The following RALGAPA2 variants were observed in gnomAD, a reference collection of about 807,000 sequenced individuals.
The protein encoded by RALGAPA2 is Ral GTPase activating protein catalytic subunit alpha 2.
In RALGAPA2, 139 loss-of-function variants were observed where a neutral mutation model predicts 230.4. That is an observed-to-expected ratio of 0.60 (90% CI 0.53 to 0.69). RALGAPA2 has a LOEUF of 0.69. Among genes scored for constraint, RALGAPA2 ranks in the 30% least tolerant of loss-of-function variants. The pLI, the probability that RALGAPA2 is intolerant of heterozygous loss-of-function variation, is 0.00. For missense variants in RALGAPA2, 2,163 were observed against 2,276.0 expected (o/e 0.95, Z 1.01); for synonymous variants, 847 against 837.8 (o/e 1.01, Z -0.19).
chr20:20,652,595 G>A (rs1209830426), intron 4 of RALGAPA2, among the ~76,000 whole-genome samples: 2 of 152,144 alleles, frequency 1.3e-5, no homozygotes, highest in East Asian at 1.9e-4. Context: ...TCCATCATAA[G>A]GTCACACTCT....
intron 27 of RALGAPA2, among the ~76,000 whole-genome samples, chr20:20,530,009 G>A (rs1047598493): frequency 2.0e-5 from 3 of 152,152 alleles, no homozygotes; most frequent in Non-Finnish European, 4.4e-5. Context: ...AAATGAATTG[G>A]AATCTACATT....
chr20:20,586,450 T>C (rs1193193009), intron 18 of RALGAPA2, among the ~76,000 whole-genome samples: 3 of 152,148 alleles, frequency 2.0e-5, no homozygotes, highest in African/African-American at 7.2e-5. Context: ...TAGGAACCCA[T>C]AATAAAACAT....
chr20:20,625,199 C>A (rs1421646973), intron 10 of RALGAPA2, among the ~76,000 whole-genome samples: 7 of 152,146 alleles, frequency 4.6e-5, no homozygotes, highest in Non-Finnish European at 4.4e-5. Context: ...ACCTGTACAC[C>A]CCCCTGTCTC....
chr20:20,448,926 C>T (rs374901575), intron 37 of RALGAPA2, among the ~76,000 whole-genome samples: 7 of 151,438 alleles, frequency 4.6e-5, no homozygotes, highest in East Asian at 3.9e-4. Flanking sequence ...AACAGGAGTT[C>T]GGTGAGTCCA....
intron 24 of RALGAPA2, among the ~76,000 whole-genome samples, chr20:20,541,853 G>A (rs577059103): frequency 2.6e-5 from 4 of 152,136 alleles, no homozygotes; most frequent in Non-Finnish European, 5.9e-5. Flanking sequence ...TCTAGGAAGG[G>A]CTCCAACATT....
chr20:20,649,689 G>A (rs372713556), intron 4 of RALGAPA2, among the ~76,000 whole-genome samples: 17 of 151,928 alleles, frequency 1.1e-4, no homozygotes, highest in Non-Finnish European at 2.2e-4. Context: ...TATTGAGTTC[G>A]GGCACAGCAC....
chr20:20,439,025 G>A (rs1229087229), intron 37 of RALGAPA2, among the ~76,000 whole-genome samples: 1 of 152,176 alleles, frequency 6.6e-6, no homozygotes, highest in Non-Finnish European at 1.5e-5. Context: ...AGCAGGCCCT[G>A]TACTAATTAC....
At chr20:20,486,708 T>C (rs1051430929) in intron 36 of RALGAPA2, among the ~76,000 whole-genome samples, 29 of 152,214 alleles carry the variant, frequency 1.9e-4, no homozygotes, top group South Asian at 6.2e-4. Context: ...CATTACATGT[T>C]GTTACATCTT....
chr20:20,629,815 C>T (rs2066611854), intron 9 of RALGAPA2, among the ~76,000 whole-genome samples: 1 of 152,176 alleles, frequency 6.6e-6, no homozygotes, highest in Non-Finnish European at 1.5e-5. Flanking sequence ...AAGAGGAAAA[C>T]TACTAAGCTA....
At chr20:20,472,514 A>T in intron 37 of RALGAPA2, 1 of 177,282 alleles carries the variant, frequency 5.6e-6, no homozygotes, top group Non-Finnish European at 1.2e-5. Context: ...AATAAGAGGG[A>T]TACAGGATGA....
chr20:20,557,502 G>C (rs540017849), intron 23 of RALGAPA2, among the ~76,000 whole-genome samples: 2 of 152,078 alleles, frequency 1.3e-5, no homozygotes, highest in African/African-American at 4.8e-5. Context: ...ATTCTTCTTA[G>C]AATATTAAAA....
intron 13 of RALGAPA2, among the ~76,000 whole-genome samples, chr20:20,612,287 G>A (rs16982036): frequency 0.011 from 1,670 of 152,246 alleles, 27 homozygotes; most frequent in African/African-American, 0.038. Context: ...TAAGAGAAGT[G>A]CATTTGTTCC....
chr20:20,554,840 C>G (rs1198076371), intron 23 of RALGAPA2, among the ~76,000 whole-genome samples: 1 of 152,140 alleles, frequency 6.6e-6, no homozygotes, highest in East Asian at 1.9e-4. Context: ...ATACTAGGCC[C>G]TAATCAGATA....
chr20:20,571,390 A>G (rs1481625507), intron 23 of RALGAPA2, 68 bp downstream of exon 23: 2 of 1,442,846 alleles, frequency 1.4e-6, no homozygotes, highest in African/African-American at 1.4e-5. Flanking sequence ...AAATATTACT[A>G]ATGTCTTTAA....
chr20:20,672,796 C>CA (rs762878722), intron 3 of RALGAPA2, among the ~76,000 whole-genome samples: 1 of 152,094 alleles, frequency 6.6e-6, no homozygotes, highest in Non-Finnish European at 1.5e-5. Flanking sequence ...CATATGAATC[C>CA]AGAGACTTGA....
At chr20:20,573,425 G>A (rs2064713436) in intron 20 of RALGAPA2, among the ~76,000 whole-genome samples, 1 of 152,154 alleles carries the variant, frequency 6.6e-6, no homozygotes, top group African/African-American at 2.4e-5. Flanking sequence ...TAACATCTGC[G>A]GTGGTTGTTG....
At chr20:20,546,609 A>G (rs1024505650) in intron 24 of RALGAPA2, 95 bp downstream of exon 24, 31 of 1,400,728 alleles carry the variant, frequency 2.2e-5, no homozygotes, top group Non-Finnish European at 2.8e-5. Context: ...CATTGCACTA[A>G]TGAGTCAACA....
intron 1 of RALGAPA2, among the ~76,000 whole-genome samples, chr20:20,689,189 T>C (rs2146899012): frequency 6.6e-6 from 1 of 152,360 alleles, no homozygotes; most frequent in South Asian, 2.1e-4. Context: ...TTTATGTTAA[T>C]TTAATTATAT....
At position 20,487,819 on chromosome 20, in the gene RALGAPA2, C is replaced by T. The variant is rs576554544; in HGVS notation, c.5367+7298G>A. On this transcript the variant is annotated intron_variant, in intron 36 of 39. Coordinates refer to ENST00000202677, the MANE Select transcript of RALGAPA2 (RefSeq NM_020343.4). ...CCCAGCTACTCAGGAGGCTGAGGTG[C>T]GAGGATTGCTTGAGCCCTGGAGGCA... Among the ~76,000 whole-genome samples, 25 of 150,746 alleles carry T rather than the reference C, an allele frequency of 1.7e-4. No individual in the cohort carries two copies. The South Asian group carries it at 4.4e-3, about 27-fold the overall frequency.
Sources: allele counts gnomAD v4.1 joint callset (sites outside exome capture counted in the v4.1 genomes callset), GRCh38; gene constraint gnomAD v4.1.1; transcripts MANE v1.5; gene names NCBI Gene and HGNC (gene_info 2026-07-23, HGNC 2026-07-21).